Variants in GRM8 observed in about 807,000 individuals in gnomAD.
The protein encoded by GRM8 is metabotropic glutamate receptor 8.
Under a neutral mutation model 87.2 loss-of-function variants are expected in GRM8, and 47 were observed. The ratio of observed to expected loss-of-function variants is 0.54; its 90% CI spans 0.43 to 0.69. GRM8 has a LOEUF of 0.69. Among genes scored for constraint, GRM8 ranks in the 30% least tolerant of loss-of-function variants. The probability of loss-of-function intolerance (pLI) is 0.00; values close to 1 mark genes in which losing one functional copy is unlikely to be tolerated. For missense variants in GRM8, 1,019 were observed against 1,139.2 expected (o/e 0.89, Z 1.52); for synonymous variants, 396 against 404.5 (o/e 0.98, Z 0.25).
At chr7:127,123,831 T>C (rs1188640509) in intron 2 of GRM8, among the ~76,000 whole-genome samples, 1 of 152,194 alleles carries the variant, frequency 6.6e-6, no homozygotes, top group East Asian at 1.9e-4. Context: ...CAGTTAAAGA[T>C]ACCTCTTAAT....
At chr7:127,086,327 C>T (rs897387794) in intron 3 of GRM8, among the ~76,000 whole-genome samples, 4 of 152,182 alleles carry the variant, frequency 2.6e-5, no homozygotes, top group Non-Finnish European at 2.9e-5. Context: ...GTCTCGATCT[C>T]CTGACCTCGT....
intron 7 of GRM8, among the ~76,000 whole-genome samples, chr7:126,688,068 C>G (rs992442204): frequency 1.3e-5 from 2 of 152,050 alleles, no homozygotes; most frequent in South Asian, 4.1e-4. Flanking sequence ...TTGCAAATAT[C>G]CTATCACATT....
chr7:126,610,968 A>T, intron 7 of GRM8, among the ~76,000 whole-genome samples: 1 of 152,222 alleles, frequency 6.6e-6, no homozygotes, highest in Non-Finnish European at 1.5e-5. Context: ...TTCCCCATTG[A>T]TTTCCACAAC....
At chr7:126,459,534 G>A (rs914363906) in intron 9 of GRM8, among the ~76,000 whole-genome samples, 1 of 151,576 alleles carries the variant, frequency 6.6e-6, no homozygotes, top group Admixed American at 6.6e-5. Context: ...AGTGATGCAA[G>A]TGCATGGCAA....
intron 7 of GRM8, among the ~76,000 whole-genome samples, chr7:126,620,373 T>A (rs185972010): frequency 6.6e-5 from 10 of 152,306 alleles, no homozygotes; most frequent in Admixed American, 2.0e-4. Context: ...ACTCATCAGG[T>A]GCTACCCTTA....
intron 7 of GRM8, among the ~76,000 whole-genome samples, chr7:126,644,219 C>T (rs189452463): frequency 1.3e-5 from 2 of 152,096 alleles, no homozygotes; most frequent in Non-Finnish European, 2.9e-5. Flanking sequence ...ATCGTATTTT[C>T]AAATTTAAAC....
chr7:126,899,857 T>C (rs916614), intron 6 of GRM8, among the ~76,000 whole-genome samples: 132,189 of 151,936 alleles, frequency 0.87, 57,922 homozygotes, highest in East Asian at 0.98. Context: ...AACAGCATCC[T>C]TTCCTCCACT....
chr7:126,912,307 T>A (rs75910397), intron 3 of GRM8, among the ~76,000 whole-genome samples: 1 of 152,140 alleles, frequency 6.6e-6, no homozygotes, highest in Admixed American at 6.5e-5. Flanking sequence ...GCTGGGATCA[T>A]TGAGGGCCTA....
intron 7 of GRM8, among the ~76,000 whole-genome samples, chr7:126,698,321 A>G (rs1809592980): frequency 1.3e-5 from 2 of 152,162 alleles, no homozygotes; most frequent in Non-Finnish European, 2.9e-5. Context: ...GAAGGATTGG[A>G]ATATAATAGA....
At chr7:127,164,071 C>T (rs933740196) in intron 2 of GRM8, among the ~76,000 whole-genome samples, 2 of 152,108 alleles carry the variant, frequency 1.3e-5, no homozygotes, top group Admixed American at 1.3e-4. Flanking sequence ...GCACCATCCC[C>T]TTGGCACTGT....
intron 9 of GRM8, among the ~76,000 whole-genome samples, chr7:126,510,353 A>T (rs1037164080): frequency 6.6e-6 from 1 of 152,044 alleles, no homozygotes; most frequent in Non-Finnish European, 1.5e-5. Context: ...TCCAAATAAA[A>T]GATGATGTGA....
At chr7:126,629,915 G>A (rs1047580235) in intron 7 of GRM8, among the ~76,000 whole-genome samples, 8 of 152,220 alleles carry the variant, frequency 5.3e-5, no homozygotes, top group Admixed American at 4.6e-4. Context: ...CCTTTCAGAA[G>A]CTGGCCTATC....
At chr7:126,460,881 G>A (rs1803822089) in intron 9 of GRM8, among the ~76,000 whole-genome samples, 1 of 151,542 alleles carries the variant, frequency 6.6e-6, no homozygotes, top group South Asian at 2.1e-4. Context: ...GAACAAGAGA[G>A]TTGTGAAGTA....
At chr7:127,173,079 C>T (rs906422679) in intron 2 of GRM8, among the ~76,000 whole-genome samples, 1 of 152,212 alleles carries the variant, frequency 6.6e-6, no homozygotes, top group Non-Finnish European at 1.5e-5. Flanking sequence ...TACCACCATA[C>T]CAAGCACTGG....
At chr7:126,835,513 T>C (rs1428633817) in intron 6 of GRM8, among the ~76,000 whole-genome samples, 6 of 152,188 alleles carry the variant, frequency 3.9e-5, no homozygotes, top group Admixed American at 6.5e-5. Flanking sequence ...ACTGGCACAT[T>C]GTAGAGCAGT....
At chr7:126,610,353 T>C (rs1047734176) in intron 7 of GRM8, among the ~76,000 whole-genome samples, 6 of 152,184 alleles carry the variant, frequency 3.9e-5, no homozygotes, top group Non-Finnish European at 5.9e-5. Context: ...TAGGCTTCTC[T>C]ACATTTTTTT....
intron 7 of GRM8, among the ~76,000 whole-genome samples, chr7:126,618,453 C>T (rs147131879): frequency 5.3e-5 from 8 of 152,062 alleles, no homozygotes; most frequent in Admixed American, 2.0e-4. Flanking sequence ...ATACCATTCA[C>T]GACATAGGCA....
chr7:126,776,668 C>G (rs1819509722), intron 6 of GRM8, among the ~76,000 whole-genome samples: 1 of 152,160 alleles, frequency 6.6e-6, no homozygotes, highest in African/African-American at 2.4e-5. Flanking sequence ...GCACCTTATG[C>G]AATGTTGCAG....
rs1169347299 is a variant in GRM8 at position 126,600,982 on chromosome 7, C to A, written c.1494+8380G>T. Among the ~76,000 whole-genome samples, 6 of 151,688 alleles carry A rather than the reference C, an allele frequency of 4.0e-5. No homozygotes were observed. In the East Asian group the frequency reaches 1.2e-3, roughly 29 times the overall value. On this transcript the variant is annotated intron_variant, in intron 8 of 10. Coordinates refer to ENST00000339582, the MANE Select transcript of GRM8 (RefSeq NM_000845.3). ...TTTTAGGGTACATGTGCACATTGTG[C>A]AGGTTAGTTACATATGTATACATGT...
Sources: gnomAD v4.1 joint callset for allele counts (sites outside exome capture counted in the v4.1 genomes callset) on GRCh38, gnomAD v4.1.1 for gene constraint, MANE v1.5 for transcripts, NCBI Gene and HGNC (gene_info 2026-07-23, HGNC 2026-07-21) for gene names.